The following ATP8B1 variants were observed in gnomAD, a reference collection of about 807,000 sequenced individuals.
ATP8B1 encodes the protein ATPase phospholipid transporting 8B1.
Under a neutral mutation model 149.9 loss-of-function variants are expected in ATP8B1, and 80 were observed. That is an observed-to-expected ratio of 0.53 (90% CI 0.45 to 0.64). The LOEUF (loss-of-function observed/expected upper bound fraction) is 0.64. Among genes scored for constraint, ATP8B1 ranks in the 30% least tolerant of loss-of-function variants. ATP8B1 has a pLI of 0.00. For missense variants in ATP8B1, 1,247 were observed against 1,552.6 expected (o/e 0.80, Z 3.31); for synonymous variants, 536 against 562.8 (o/e 0.95, Z 0.67).
At chr18:57,801,345 T>C (rs2080571748) in intron 1 of ATP8B1, among the ~76,000 whole-genome samples, 1 of 152,228 alleles carries the variant, frequency 6.6e-6, no homozygotes. Flanking sequence ...CACCACCTAA[T>C]GAAAATCATT....
chr18:57,651,925 T>C (rs1909645681), intron 26 of ATP8B1, 109 bp downstream of exon 26: 1 of 1,376,408 alleles, frequency 7.3e-7, no homozygotes, highest in Admixed American at 1.9e-5. Flanking sequence ...TGAGCCACTG[T>C]GCCCAGCCAT....
At chr18:57,714,730 G>A (rs532375536) in intron 2 of ATP8B1, among the ~76,000 whole-genome samples, 4 of 152,300 alleles carry the variant, frequency 2.6e-5, no homozygotes, top group South Asian at 2.1e-4. Flanking sequence ...GAAATGCAGC[G>A]TTATTGAGCT....
intron 6 of ATP8B1, among the ~76,000 whole-genome samples, chr18:57,700,092 T>C (rs907386930): frequency 1.3e-5 from 2 of 152,230 alleles, no homozygotes; most frequent in African/African-American, 2.4e-5. Flanking sequence ...TATTTCAGTA[T>C]TCAGAATTGC....
intron 16 of ATP8B1, 138 bp downstream of exon 16, chr18:57,674,696 G>T: frequency 2.0e-6 from 2 of 1,020,660 alleles, no homozygotes; most frequent in Non-Finnish European, 3.0e-6. Flanking sequence ...AACAATACCA[G>T]TTTCAGTAAA....
chr18:57,650,088 G>A (rs924330136), intron 27 of ATP8B1, among the ~76,000 whole-genome samples: 15 of 152,278 alleles, frequency 9.9e-5, no homozygotes, highest in African/African-American at 3.6e-4. Flanking sequence ...ATGACAAAAT[G>A]TTAATACTGT....
chr18:57,682,343 A>C (rs1284899258), intron 15 of ATP8B1, among the ~76,000 whole-genome samples: 1 of 152,104 alleles, frequency 6.6e-6, no homozygotes, highest in Non-Finnish European at 1.5e-5. Flanking sequence ...TTCTTACTAC[A>C]ACACCGAGGA....
Position 57,650,444 on chromosome 18 carries a change from C to G in ATP8B1, c.3454G>C (p.Ala1152Pro), listed in dbSNP as rs222581. 1 of 1,614,082 alleles carries G rather than the reference C, an allele frequency of 6.2e-7. No homozygotes were observed. The highest frequency in any genetic ancestry group is 1.7e-5 in the Admixed American group (1 of 60,016). ...ACGGGTAGTAAGCACACAGCAACAGCCAGGATGATAGTTAACCAAATGTAT... is the reference window on the plus strand; with the variant it reads ...ACGGGTAGTAAGCACACAGCAACAGGCAGGATGATAGTTAACCAAATGTAT... ...QPYIWLTIIL[A>P]VAVCLLPVVA... is the part of the protein sequence containing the mutation. Residue 1152 changes from alanine to proline, a missense_variant, in exon 27 of 28, where the codon GCT becomes CCT. Transcript: ENST00000648908.
At position 57,784,862 on chromosome 18, in the gene ATP8B1, C is replaced by T. The variant is rs2080391750; in HGVS notation, c.-26+18136G>A. On this transcript the variant is annotated intron_variant, in intron 1 of 27. Coordinates refer to ENST00000648908, the MANE Select transcript of ATP8B1 (RefSeq NM_001374385.1). This position sits in a 1 kb window ranked among gnomAD's most constrained non-coding sequence, Gnocchi z 4.4. ...GTAGGATATTTAGAAGTATCCCTGG[C>T]CTTGACCACTGGACGCTTGTAGCAT... is the stretch of plus-strand genomic sequence containing the variant. Among the ~76,000 whole-genome samples the T allele has an allele frequency of 2.0e-5, 3 of 152,154 alleles. No homozygotes were observed. Among genetic ancestry groups the T allele is most frequent in the Non-Finnish European group, 4.4e-5 (3 of 68,024 alleles).
chr18:57,753,443 A>C (rs1297289660), intron 1 of ATP8B1, among the ~76,000 whole-genome samples: 1 of 152,092 alleles, frequency 6.6e-6, no homozygotes, highest in Non-Finnish European at 1.5e-5. Flanking sequence ...GGCAACAACA[A>C]CACAACAAAA....
chr18:57,678,327 C>T (rs1418086650), intron 15 of ATP8B1, among the ~76,000 whole-genome samples: 1 of 152,114 alleles, frequency 6.6e-6, no homozygotes, highest in Non-Finnish European at 1.5e-5. Flanking sequence ...GTGGCTCACA[C>T]CTGTAATCCC....
intron 2 of ATP8B1, among the ~76,000 whole-genome samples, chr18:57,712,592 C>G (rs57339521): frequency 0.012 from 1,890 of 152,180 alleles, 36 homozygotes; most frequent in African/African-American, 0.043. Context: ...TGAACTACAA[C>G]TCTTAGGCAA....
intron 12 of ATP8B1, among the ~76,000 whole-genome samples, chr18:57,689,637 T>C (rs1183019445): frequency 6.6e-6 from 1 of 152,180 alleles, no homozygotes; most frequent in East Asian, 1.9e-4. Flanking sequence ...CAAAGTCCTT[T>C]CTCTTAAGGA....
At chr18:57,717,909 C>A (rs2079599324) in intron 2 of ATP8B1, among the ~76,000 whole-genome samples, 1 of 151,476 alleles carries the variant, frequency 6.6e-6, no homozygotes. Context: ...CCACACCTGG[C>A]TAATTTTTGT....
intron 27 of ATP8B1, among the ~76,000 whole-genome samples, 192 bp from the exon 28 acceptor site, chr18:57,648,904 T>TGTG (rs1909401563): frequency 3.0e-5 from 2 of 67,046 alleles, no homozygotes; most frequent in African/African-American, 1.6e-4. Context: ...GTCTATATCT[T>TGTG]TTTTTTTGTT....
At chr18:57,727,351 T>G (rs2079718969) in intron 2 of ATP8B1, among the ~76,000 whole-genome samples, 1 of 152,220 alleles carries the variant, frequency 6.6e-6, no homozygotes, top group Non-Finnish European at 1.5e-5. Flanking sequence ...AACAGCTCCC[T>G]CAGCACTTTT....
chr18:57,682,358 G>C (rs558900134), intron 15 of ATP8B1, among the ~76,000 whole-genome samples: 1 of 152,286 alleles, frequency 6.6e-6, no homozygotes, highest in South Asian at 2.1e-4. Flanking sequence ...CGAGGAAGGT[G>C]GTTCTCAGAG....
chr18:57,701,471 T>G (rs371492613), intron 4 of ATP8B1, among the ~76,000 whole-genome samples, 158 bp from the exon 5 acceptor site: 1 of 152,214 alleles, frequency 6.6e-6, no homozygotes, highest in Non-Finnish European at 1.5e-5. Context: ...TTCAAGCATT[T>G]GGACAACCTC....
intron 2 of ATP8B1, among the ~76,000 whole-genome samples, chr18:57,725,811 A>G (rs542637086): frequency 1.1e-4 from 16 of 152,360 alleles, no homozygotes; most frequent in African/African-American, 3.6e-4. Flanking sequence ...TGATGCAAGG[A>G]AAAACTGCAT....
chr18:57,711,238 C>T (rs562881218), intron 2 of ATP8B1, among the ~76,000 whole-genome samples: 2 of 152,182 alleles, frequency 1.3e-5, no homozygotes, highest in Admixed American at 1.3e-4. Context: ...TTTATCAGAA[C>T]GACTAGAAAC....
Sources: gnomAD v4.1 joint callset for allele counts (sites outside exome capture counted in the v4.1 genomes callset) on GRCh38, gnomAD v4.1.1 for gene constraint, Gnocchi (gnomAD v3.1) non-coding constraint, MANE v1.5 for transcripts, NCBI Gene and HGNC (gene_info 2026-07-23, HGNC 2026-07-21) for gene names.